Variants in DPP10 observed in about 807,000 individuals in gnomAD.
The protein encoded by DPP10 is inactive dipeptidyl peptidase 10.
In DPP10, 33 loss-of-function variants were observed where a neutral mutation model predicts 120.9. The observed-to-expected ratio is 0.27, with a 90% CI of 0.21 to 0.37. The LOEUF (loss-of-function observed/expected upper bound fraction) is 0.37. Ranked by LOEUF, DPP10 falls within the 10% of genes least tolerant of loss-of-function variation. DPP10 has a pLI of 1.00. For missense variants in DPP10, 816 were observed against 942.8 expected (o/e 0.87, Z 1.76); for synonymous variants, 337 against 326.1 (o/e 1.03, Z -0.36).
At chr2:115,694,384 A>G (rs1270626657) in intron 7 of DPP10, among the ~76,000 whole-genome samples, 4 of 152,178 alleles carry the variant, frequency 2.6e-5, no homozygotes, top group Non-Finnish European at 1.5e-5. Flanking sequence ...TCCTGGTATT[A>G]TAGAAGAGAG....
intron 1 of DPP10, among the ~76,000 whole-genome samples, chr2:115,155,779 G>C (rs753206292): frequency 7.9e-5 from 12 of 152,078 alleles, no homozygotes; most frequent in South Asian, 2.1e-4. Context: ...ATAACCAGTG[G>C]GATTTATGGT....
intron 5 of DPP10, among the ~76,000 whole-genome samples, chr2:115,640,720 T>C (rs531040017): frequency 8.5e-5 from 13 of 152,166 alleles, no homozygotes; most frequent in Non-Finnish European, 1.8e-4. Context: ...ATTTAGGTTC[T>C]GCTGGGAAGC....
intron 5 of DPP10, among the ~76,000 whole-genome samples, chr2:115,614,273 CAG>C (rs1242817337): frequency 6.6e-6 from 1 of 152,254 alleles, no homozygotes; most frequent in Non-Finnish European, 1.5e-5. Flanking sequence ...CTTTATTGGG[CAG>C]AGTTAGCTCC....
At chr2:114,626,162 T>C (rs1417517979) in intron 1 of DPP10, among the ~76,000 whole-genome samples, 1 of 151,878 alleles carries the variant, frequency 6.6e-6, no homozygotes, top group African/African-American at 2.4e-5. Flanking sequence ...CTCATTTGCC[T>C]TAATCCACAC....
chr2:115,109,077 C>CGT (rs921694998), intron 1 of DPP10, among the ~76,000 whole-genome samples: 3 of 152,090 alleles, frequency 2.0e-5, no homozygotes, highest in African/African-American at 7.2e-5. Context: ...AGGGATTTGG[C>CGT]GTGTGTGTGT....
chr2:115,177,926 G>C (rs1347771800), intron 1 of DPP10, among the ~76,000 whole-genome samples: 1 of 151,966 alleles, frequency 6.6e-6, no homozygotes, highest in Non-Finnish European at 1.5e-5. Flanking sequence ...ACCACGCCCG[G>C]CTAACTTTTT....
chr2:114,940,754 G>A (rs1171485432), intron 1 of DPP10, among the ~76,000 whole-genome samples: 1 of 152,058 alleles, frequency 6.6e-6, no homozygotes, highest in Admixed American at 6.6e-5. Flanking sequence ...CTGTACTGCC[G>A]AGAAAGCAAA....
At chr2:115,431,812 G>A (rs1320110906) in intron 3 of DPP10, among the ~76,000 whole-genome samples, 1 of 151,862 alleles carries the variant, frequency 6.6e-6, no homozygotes, top group African/African-American at 2.4e-5. Context: ...TTTAAAAGTA[G>A]AACAAGCAGG....
chr2:114,736,106 C>A (rs1213319427), intron 1 of DPP10, among the ~76,000 whole-genome samples: 2 of 151,906 alleles, frequency 1.3e-5, no homozygotes, highest in Admixed American at 1.3e-4. Context: ...GAAGAAGCAT[C>A]TAAGTCATTT....
intron 1 of DPP10, among the ~76,000 whole-genome samples, chr2:114,943,859 G>A (rs1427073352): frequency 6.6e-6 from 1 of 152,112 alleles, no homozygotes; most frequent in Non-Finnish European, 1.5e-5. Context: ...AAATTGTTGA[G>A]ACTATAATAT....
chr2:115,401,236 A>G (rs911453743), intron 3 of DPP10, among the ~76,000 whole-genome samples: 1 of 152,124 alleles, frequency 6.6e-6, no homozygotes, highest in Non-Finnish European at 1.5e-5. Flanking sequence ...ACCTTATGGA[A>G]ACAAAGCCTT....
At chr2:114,877,697 A>G (rs1479815998) in intron 1 of DPP10, among the ~76,000 whole-genome samples, 2 of 152,106 alleles carry the variant, frequency 1.3e-5, no homozygotes, top group Non-Finnish European at 2.9e-5. Context: ...ATGAAATGTC[A>G]AGATGACAAT....
intron 1 of DPP10, among the ~76,000 whole-genome samples, chr2:114,965,624 T>A (rs920969390): frequency 1.3e-5 from 2 of 151,866 alleles, no homozygotes; most frequent in African/African-American, 4.8e-5. Flanking sequence ...AGGGAGTAAG[T>A]ATGGACAGAG....
chr2:114,461,968 A>T (rs1233211765), intron 1 of DPP10: 4 of 985,306 alleles, frequency 4.1e-6, no homozygotes, highest in Non-Finnish European at 4.8e-6. Flanking sequence ...ACCATCTAAG[A>T]TACAGAAGTC....
At chr2:114,802,456 A>G (rs1405664547) in intron 1 of DPP10, among the ~76,000 whole-genome samples, 1 of 152,128 alleles carries the variant, frequency 6.6e-6, no homozygotes, top group Admixed American at 6.5e-5. Context: ...AAACCTATAA[A>G]TATCACTTCA....
chr2:115,738,398 C>G (rs754592775), intron 8 of DPP10, among the ~76,000 whole-genome samples: 1 of 152,020 alleles, frequency 6.6e-6, no homozygotes, highest in Non-Finnish European at 1.5e-5. Flanking sequence ...GAACTTGTTT[C>G]CTAATCTTTA....
At chr2:114,809,367 G>T (rs1382851500) in intron 1 of DPP10, among the ~76,000 whole-genome samples, 1 of 151,978 alleles carries the variant, frequency 6.6e-6, no homozygotes, top group Non-Finnish European at 1.5e-5. Flanking sequence ...TCTTTCTATT[G>T]TCTGTTCACT....
intron 1 of DPP10, among the ~76,000 whole-genome samples, chr2:114,488,207 C>A (rs1573470026): frequency 1.3e-5 from 2 of 152,174 alleles, no homozygotes; most frequent in Admixed American, 1.3e-4. Flanking sequence ...TTGCCCCTGG[C>A]TGAGTTACTC....
chr2:115,167,611 A>T (rs2052994360), intron 1 of DPP10, among the ~76,000 whole-genome samples: 1 of 151,618 alleles, frequency 6.6e-6, no homozygotes, highest in Admixed American at 6.6e-5. Context: ...TCTCAAAAAA[A>T]AAAAAAAAAA....
Sources: allele counts gnomAD v4.1 joint callset (sites outside exome capture counted in the v4.1 genomes callset), GRCh38; gene constraint gnomAD v4.1.1; transcripts MANE v1.5; gene names NCBI Gene and HGNC (gene_info 2026-07-23, HGNC 2026-07-21).